Variants in XKR6 observed in about 807,000 individuals in gnomAD.
XKR6 encodes XK-related protein 6.
In XKR6, 22 loss-of-function variants were observed where a neutral mutation model predicts 56.7. The ratio of observed to expected loss-of-function variants is 0.39; its 90% CI spans 0.28 to 0.55. The LOEUF is 0.55. Among genes scored for constraint, XKR6 ranks in the 20% least tolerant of loss-of-function variants. The pLI is 0.66. For synonymous variants in XKR6, 524 were observed against 387.8 expected (o/e 1.35, Z -4.13); for missense variants, 852 against 889.0 (o/e 0.96, Z 0.53).
chr8:11,099,571 A>C (rs955141911), intron 1 of XKR6, among the ~76,000 whole-genome samples: 1 of 152,078 alleles, frequency 6.6e-6, no homozygotes, highest in Non-Finnish European at 1.5e-5. Flanking sequence ...TACTTTCTTT[A>C]CTTCTAAATC....
chr8:11,102,692 CAA>C (rs1216577169), intron 1 of XKR6, among the ~76,000 whole-genome samples: 55 of 152,076 alleles, frequency 3.6e-4, no homozygotes, highest in Admixed American at 3.5e-3. Context: ...CTTCAGCATT[CAA>C]AGTTTCCATC....
At chr8:11,069,319 CT>C (rs1328690813) in intron 1 of XKR6, among the ~76,000 whole-genome samples, 1 of 152,140 alleles carries the variant, frequency 6.6e-6, no homozygotes, top group Non-Finnish European at 1.5e-5. Flanking sequence ...CTTTCTCAGT[CT>C]GAAGCAGAAG....
At chr8:11,170,271 T>C (rs1006265439) in intron 1 of XKR6, among the ~76,000 whole-genome samples, 7 of 152,142 alleles carry the variant, frequency 4.6e-5, no homozygotes, top group African/African-American at 1.7e-4. Context: ...ATTATGTTCA[T>C]AAAAGTCAAA....
chr8:11,051,809 G>A (rs1488305352), intron 1 of XKR6, among the ~76,000 whole-genome samples: 2 of 151,690 alleles, frequency 1.3e-5, no homozygotes, highest in Non-Finnish European at 2.9e-5. Flanking sequence ...CTTTTTTTCT[G>A]TGTTTCTTCT....
intron 1 of XKR6, among the ~76,000 whole-genome samples, chr8:10,992,124 T>G (rs1283523205): frequency 6.6e-6 from 1 of 152,202 alleles, no homozygotes; most frequent in East Asian, 1.9e-4. Context: ...TGGAAATCTA[T>G]AAATAGCAGC....
chr8:11,178,760 AC>A (rs1418791799), intron 1 of XKR6, among the ~76,000 whole-genome samples: 5 of 150,546 alleles, frequency 3.3e-5, no homozygotes, highest in African/African-American at 4.9e-5. Flanking sequence ...ATGGTAGGTA[AC>A]GTTGGCTCTA....
At chr8:11,172,234 A>G (rs1418683541) in intron 1 of XKR6, among the ~76,000 whole-genome samples, 1 of 150,858 alleles carries the variant, frequency 6.6e-6, no homozygotes, top group East Asian at 2.0e-4. Context: ...GCGTGGCATT[A>G]TTGTGCACGC....
At chr8:11,063,360 TG>T (rs1799889640) in intron 1 of XKR6, among the ~76,000 whole-genome samples, 1 of 150,160 alleles carries the variant, frequency 6.7e-6, no homozygotes, top group South Asian at 2.1e-4. Context: ...TAGCCAGGTG[TG>T]GTGGTGTGAA....
intron 1 of XKR6, among the ~76,000 whole-genome samples, chr8:10,986,937 A>AT (rs570103523): frequency 0.089 from 12,999 of 146,434 alleles, 1,590 homozygotes; most frequent in African/African-American, 0.28. Context: ...TGCCTGGCCA[A>AT]TTTTTTTTTT....
chr8:10,899,005 T>C (rs1039620462), intron 2 of XKR6, 89 bp from the exon 3 acceptor site: 2 of 1,496,112 alleles, frequency 1.3e-6, no homozygotes, highest in Admixed American at 2.2e-5. Context: ...GACGCCCACA[T>C]ACACCACGAT....
chr8:10,961,140 C>T (rs533944163), intron 1 of XKR6, among the ~76,000 whole-genome samples: 3 of 152,204 alleles, frequency 2.0e-5, no homozygotes, highest in African/African-American at 7.2e-5. Context: ...AGGCTGTGAG[C>T]GGATGAATCC....
intron 1 of XKR6, among the ~76,000 whole-genome samples, chr8:11,102,146 C>A (rs1369243346): frequency 6.6e-6 from 1 of 152,180 alleles, no homozygotes; most frequent in Non-Finnish European, 1.5e-5. Context: ...TCAATCCCAA[C>A]TGACATAAAC....
intron 1 of XKR6, among the ~76,000 whole-genome samples, chr8:11,128,494 G>T (rs1248465012): frequency 6.6e-6 from 1 of 152,184 alleles, no homozygotes; most frequent in South Asian, 2.1e-4. Context: ...CCAAATGCCT[G>T]ATCTTCCGAA....
In XKR6 at chr8:11,201,085, G is replaced by GGCC; in HGVS notation, c.254_255insGGC (p.Ser85delinsArgAla). ...GCTGGTCCCCCCCGTCGGCGGCGGC[G>GGCC]CTGCGGCGCGGCTTCCTGCCCAGGA... On this transcript the variant is annotated protein_altering_variant, in exon 1 of 3. Coordinates refer to ENST00000416569, the MANE Select transcript of XKR6 (RefSeq NM_173683.4). 2.0e-5 allele frequency: 27 copies of GGCC among 1,378,026 alleles called. No homozygotes were observed. The highest frequency in any genetic ancestry group is 2.5e-5 in the Non-Finnish European group (27 of 1,066,856). The allele number at this position is 1,378,026 out of a possible 1,614,324, so 85.4% of individuals were successfully genotyped here. A position where few individuals can be genotyped will look rare whatever the true frequency, so the allele number is the denominator to read the frequency against.
intron 1 of XKR6, among the ~76,000 whole-genome samples, chr8:11,160,358 T>G (rs1430345810): frequency 6.6e-6 from 1 of 151,500 alleles, no homozygotes; most frequent in Non-Finnish European, 1.5e-5. Flanking sequence ...ACAGGAATAA[T>G]GGTGAGTCTG....
At chr8:10,968,728 T>C (rs1030950725) in intron 1 of XKR6, among the ~76,000 whole-genome samples, 5 of 152,150 alleles carry the variant, frequency 3.3e-5, no homozygotes, top group Non-Finnish European at 7.4e-5. Context: ...TGGTGGAGTA[T>C]AAGGAAAAGA....
At chr8:11,122,894 G>C (rs781727311) in intron 1 of XKR6, among the ~76,000 whole-genome samples, 1 of 152,124 alleles carries the variant, frequency 6.6e-6, no homozygotes, top group Non-Finnish European at 1.5e-5. Flanking sequence ...TGTAGCAATG[G>C]AATAAACAAG....
intron 1 of XKR6, among the ~76,000 whole-genome samples, chr8:11,125,309 C>T (rs1586581022): frequency 6.6e-6 from 1 of 152,050 alleles, no homozygotes; most frequent in East Asian, 1.9e-4. Flanking sequence ...TCCTTACGTA[C>T]AGAGACCCTA....
intron 1 of XKR6, among the ~76,000 whole-genome samples, chr8:11,134,495 T>C (rs1214632564): frequency 6.6e-6 from 1 of 152,184 alleles, no homozygotes; most frequent in East Asian, 1.9e-4. Flanking sequence ...CTCATTTCTG[T>C]CTCCTAGGCA....
Sources: allele counts gnomAD v4.1 joint callset (sites outside exome capture counted in the v4.1 genomes callset), GRCh38; gene constraint gnomAD v4.1.1; transcripts MANE v1.5; gene names NCBI Gene and HGNC (gene_info 2026-07-23, HGNC 2026-07-21).